Variants in GGA2 observed in about 807,000 individuals in gnomAD.
GGA2 encodes golgi associated, gamma adaptin ear containing, ARF binding protein 2, also known as ADP-ribosylation factor-binding protein GGA2.
GGA2 carries 48 observed loss-of-function variants against 79.5 expected under a neutral mutation model. The ratio of observed to expected loss-of-function variants is 0.60; its 90% confidence interval spans 0.48 to 0.77. The LOEUF (loss-of-function observed/expected upper bound fraction) is 0.77. Ranked by LOEUF, GGA2 falls within the 30% of genes least tolerant of loss-of-function variation. GGA2 has a pLI of 0.00. For synonymous variants in GGA2, 317 were observed against 302.0 expected, an observed-to-expected ratio of 1.05 and a Z score of -0.51; for missense variants, 770 against 774.0, an observed-to-expected ratio of 0.99 and a Z score of 0.06.
intron 8 of GGA2, among the ~76,000 whole-genome samples, chr16:23,484,295 G>A (rs1054892339): frequency 6.6e-6 from 1 of 151,880 alleles, no homozygotes; most frequent in Non-Finnish European, 1.5e-5. Flanking sequence ...GCACATTCCT[G>A]TAATCCCAGC....
At chr16:23,512,306 C>T (rs1214932092), upstream of GGA2, among the ~76,000 whole-genome samples, 4 of 152,162 alleles carry the variant, frequency 2.6e-5, no homozygotes, top group African/African-American at 9.7e-5. Flanking sequence ...AATTTAACCC[C>T]AAAGGGCCTT....
chr16:23,475,849 G>C (rs1426997190), intron 13 of GGA2, among the ~76,000 whole-genome samples: 1 of 152,040 alleles, frequency 6.6e-6, no homozygotes, highest in Non-Finnish European at 1.5e-5. Context: ...AGAATGGCTA[G>C]AGCCTGGGAG....
intron 1 of GGA2, among the ~76,000 whole-genome samples, chr16:23,506,856 A>G (rs1596996629): frequency 6.8e-6 from 1 of 148,032 alleles, no homozygotes; most frequent in African/African-American, 2.5e-5. Flanking sequence ...AGACAGTCAG[A>G]AAAACAAAAG....
chr16:23,471,770 G>C (rs761464461), intron 14 of GGA2, among the ~76,000 whole-genome samples: 2 of 152,094 alleles, frequency 1.3e-5, no homozygotes, highest in Non-Finnish European at 2.9e-5. Context: ...GCTGGGTGTG[G>C]TGGTGCATGC....
intron 4 of GGA2, among the ~76,000 whole-genome samples, chr16:23,492,794 T>G (rs1394080965): frequency 6.6e-6 from 1 of 152,130 alleles, no homozygotes; most frequent in African/African-American, 2.4e-5. Context: ...TGAGGACACA[T>G]GAGACTCACG....
At chr16:23,480,090 C>A (rs1436348104) in intron 10 of GGA2, 1 of 551,966 alleles carries the variant, frequency 1.8e-6, no homozygotes, top group Non-Finnish European at 3.2e-6. Flanking sequence ...GGCCTGCCTT[C>A]CTACCCCAGG....
In GGA2 at chr16:23,467,609, G is replaced by C. The variant is rs201587696; in HGVS notation, c.1823C>G (p.Ala608Gly). ...GAAAAGTTAGGCTGCGCCCAAGACA[G>C]CCAGGTCTGGGAAGTCTTTCACTTC... ...VGEVKDFPDL[A>G]VLGAA Residue 608 changes from alanine to glycine, a missense_variant, in exon 17 of 17, where the codon GCT (alanine) becomes GGT (glycine). Physicochemically the swap from Ala to Gly is moderately conservative, Grantham distance 60 (BLOSUM62 0). Coordinates refer to ENST00000309859, the MANE Select transcript of GGA2 (RefSeq NM_015044.4). 8.2e-5 allele frequency: 129 copies of C among 1,582,706 alleles called. No individual in the cohort carries two copies. The African/African-American group carries it at 1.7e-3, about 20-fold the overall frequency.
chr16:23,510,543 C>G (rs902667819), upstream of GGA2: 93 of 324,188 alleles, frequency 2.9e-4, 1 homozygote, highest in African/African-American at 2.4e-3. Flanking sequence ...TGGCGCCACG[C>G]CCACCCCAGG....
chr16:23,466,423 G>A lies in GGA2; in HGVS notation c.*1167C>T, dbSNP rs1053877416. 1.3e-5 allele frequency: 2 copies of A among 152,130 alleles called. No individual in the cohort carries two copies. The highest frequency in any genetic ancestry group is 4.8e-5 in the African/African-American group (2 of 41,406). 9.4% of individuals were successfully genotyped at this position (152,130 alleles called of 1,614,324 possible). A position where few individuals can be genotyped will look rare whatever the true frequency, so the allele number is the denominator to read the frequency against. On this transcript the variant is annotated 3_prime_UTR_variant, in exon 17 of 17. Coordinates refer to ENST00000309859, the MANE Select transcript of GGA2 (RefSeq NM_015044.4). The stretch of plus-strand genomic sequence containing the variant: ...CCATCAACAAATATCCACCTCTCCT[G>A]TCCAGCTTGCCTCAGATCTTCAGGT...
chr16:23,473,267 C>G (rs1321577946), intron 14 of GGA2, among the ~76,000 whole-genome samples: 1 of 146,084 alleles, frequency 6.8e-6, no homozygotes, highest in East Asian at 2.0e-4. Context: ...GAAAATCTAT[C>G]AAGACATGAA....
Position 23,480,773 on chromosome 16 carries a change from G to C in GGA2, c.881-3C>G. ...GTCATTTGCCTGGAGAATTTCCGCT[G>C]AAGAATGAGGGAAGACTCAGAACCC... On this transcript the variant is annotated splice_region_variant and splice_polypyrimidine_tract_variant and intron_variant, in intron 9 of 16. Coordinates refer to ENST00000309859, the MANE Select transcript of GGA2 (RefSeq NM_015044.4). The C allele has an allele frequency of 6.2e-7, 1 of 1,606,754 alleles. No individual in the cohort carries two copies. The highest frequency in any genetic ancestry group is 8.5e-7 in the Non-Finnish European group (1 of 1,173,748).
At chr16:23,472,337 G>T (rs999492999) in intron 14 of GGA2, among the ~76,000 whole-genome samples, 5 of 151,578 alleles carry the variant, frequency 3.3e-5, no homozygotes, top group African/African-American at 1.2e-4. Flanking sequence ...GGGACTACAG[G>T]CGCCCACCAC....
At chr16:23,505,869 A>G (rs2142143659) in intron 1 of GGA2, among the ~76,000 whole-genome samples, 1 of 152,290 alleles carries the variant, frequency 6.6e-6, no homozygotes, top group Non-Finnish European at 1.5e-5. Flanking sequence ...TCAATCAAAG[A>G]AGTGAACCGT....
intron 8 of GGA2, among the ~76,000 whole-genome samples, chr16:23,485,096 C>T (rs1964695480): frequency 6.6e-6 from 1 of 152,222 alleles, no homozygotes; most frequent in Non-Finnish European, 1.5e-5. Context: ...ATGGATGCAC[C>T]TGCAAACATT....
chr16:23,518,628 C>A (rs1965117050), intron 2 of GGA2, among the ~76,000 whole-genome samples: 1 of 152,214 alleles, frequency 6.6e-6, no homozygotes, highest in Admixed American at 6.5e-5. Flanking sequence ...ATGCAAATTA[C>A]AAGCAACAGA....
At chr16:23,510,277 C>G in intron 1 of GGA2, 44 bp downstream of exon 1, 2 of 1,289,028 alleles carry the variant, frequency 1.6e-6, no homozygotes, top group South Asian at 3.1e-5. Flanking sequence ...CGAGGCCTCA[C>G]GTGCGGCGCA....
rs772202191 is a variant in GGA2, at chr16:23,475,079, A to C, written c.1293-18T>G. ...CATAATTCCTACAAAGAAATAAAAA[A>C]TATCAAAGACTAGCAAAAATTGTAG... On this transcript the variant is annotated intron_variant, in intron 13 of 16. Transcript: ENST00000309859. The C allele has an allele frequency of 1.3e-6, 2 of 1,536,658 alleles. No homozygotes were observed. The highest frequency in any genetic ancestry group is 1.8e-6 in the Non-Finnish European group (2 of 1,136,144).
At chr16:23,485,239 T>C (rs1430092572) in intron 8 of GGA2, among the ~76,000 whole-genome samples, 1 of 152,016 alleles carries the variant, frequency 6.6e-6, no homozygotes, top group African/African-American at 2.4e-5. Flanking sequence ...AAAGGGGAGT[T>C]TGGGAAAGGG....
chr16:23,500,869 T>C (rs1358870580), intron 1 of GGA2: 1 of 188,608 alleles, frequency 5.3e-6, no homozygotes, highest in Non-Finnish European at 1.1e-5. Flanking sequence ...TACGCTTTTT[T>C]TGAGAAAATA....
Sources: allele counts gnomAD v4.1 joint callset (sites outside exome capture counted in the v4.1 genomes callset), GRCh38; gene constraint gnomAD v4.1.1; transcripts MANE v1.5; gene names NCBI Gene and HGNC (gene_info 2026-07-23, HGNC 2026-07-21).